Variants in PAAF1 observed in about 807,000 individuals in gnomAD.
PAAF1 encodes the protein proteasomal ATPase-associated factor 1.
In PAAF1, 46 loss-of-function variants were observed where a neutral mutation model predicts 52.8. The ratio of observed to expected loss-of-function variants is 0.87; its 90% CI spans 0.69 to 1.11. The LOEUF is 1.11. Among genes scored for constraint, PAAF1 ranks in the 50% most tolerant of loss-of-function variants. The pLI is 0.00. For synonymous variants in PAAF1, 178 were observed against 172.8 expected, an observed-to-expected ratio of 1.03 and a Z score of -0.24; for missense variants, 424 against 477.4, an observed-to-expected ratio of 0.89 and a Z score of 1.04.
At chr11:73,916,738 T>A in intron 9 of PAAF1, 78 bp downstream of exon 9, 1 of 922,270 alleles carries the variant, frequency 1.1e-6, no homozygotes, top group Non-Finnish European at 1.7e-6. Context: ...TGATTTAGCC[T>A]AGCATATAGA....
chr11:73,916,191 T>C (rs912546591), intron 8 of PAAF1, among the ~76,000 whole-genome samples: 9 of 152,136 alleles, frequency 5.9e-5, no homozygotes, highest in Admixed American at 2.6e-4. Context: ...AAAACTTACA[T>C]GTGGGAATTG....
Position 73,914,485 on chromosome 11 carries a change from G to A in PAAF1, c.800G>A (p.Gly267Glu). Reference protein sequence around the residue: ...AREDKKLQCLGLQSRQLVFLF... With the variant: ...AREDKKLQCLELQSRQLVFLF... The stretch of plus-strand genomic sequence containing the variant: ...GAAGATAAGAAACTTCAGTGCTTGG[G>A]ACTACAGAGCAGGCAGCTGGCAAGT... Residue 267 changes from glycine to glutamate, a missense_variant, in exon 8 of 12, where the codon GGA becomes GAA. Coordinates refer to ENST00000310571, the MANE Select transcript of PAAF1 (RefSeq NM_025155.3). 7 of 1,613,994 alleles carry A rather than the reference G, an allele frequency of 4.3e-6. No homozygotes were observed. Among genetic ancestry groups the A allele is most frequent in the Non-Finnish European group, 5.9e-6 (7 of 1,179,952 alleles).
chr11:73,900,440 C>T lies in PAAF1; in HGVS notation c.532+20C>T. The T allele has an allele frequency of 6.5e-7, 1 of 1,534,832 alleles. No individual in the cohort carries two copies. Among genetic ancestry groups the T allele is most frequent in the Admixed American group, 1.9e-5 (1 of 52,548 alleles). ...AAGGAGGTATGAAGTGTGCTTTCTC[C>T]AAAAGGCTTCTCTAATGATCCCCAG... On this transcript the variant is annotated intron_variant, in intron 6 of 11. Coordinates refer to ENST00000310571, the MANE Select transcript of PAAF1 (RefSeq NM_025155.3).
intron 5 of PAAF1, among the ~76,000 whole-genome samples, 183 bp from the exon 6 acceptor site, chr11:73,900,087 C>A (rs1300089533): frequency 2.0e-5 from 3 of 151,660 alleles, no homozygotes; most frequent in Admixed American, 2.0e-4. Context: ...CGAGGAAACA[C>A]CTTTTAGAAC....
chr11:73,895,702 G>A (rs181301152), intron 4 of PAAF1, among the ~76,000 whole-genome samples: 4 of 152,268 alleles, frequency 2.6e-5, no homozygotes, highest in African/African-American at 9.6e-5. Context: ...CATCATTTCT[G>A]GAGCATTTGC....
intron 6 of PAAF1, among the ~76,000 whole-genome samples, chr11:73,901,331 GGA>G (rs1949607450): frequency 6.6e-6 from 1 of 151,880 alleles, no homozygotes; most frequent in South Asian, 2.1e-4. Context: ...AGTTTTGTGG[GGA>G]AAAAATATTA....
chr11:73,917,255 G>C (rs1411364322), intron 9 of PAAF1, among the ~76,000 whole-genome samples: 1 of 151,966 alleles, frequency 6.6e-6, no homozygotes, highest in African/African-American at 2.4e-5. Context: ...TCCTGACCTC[G>C]TGATCTGCCC....
chr11:73,885,005 G>T (rs1175020513), intron 2 of PAAF1, among the ~76,000 whole-genome samples: 4 of 149,218 alleles, frequency 2.7e-5, no homozygotes, highest in Non-Finnish European at 6.0e-5. Flanking sequence ...GACTACAGGC[G>T]CCCGCCACTA....
At chr11:73,904,506 C>A (rs977668984) in intron 6 of PAAF1, among the ~76,000 whole-genome samples, 1 of 152,052 alleles carries the variant, frequency 6.6e-6, no homozygotes, top group Non-Finnish European at 1.5e-5. Flanking sequence ...GAAATGCTTA[C>A]ATTTATAGAA....
intron 6 of PAAF1, among the ~76,000 whole-genome samples, chr11:73,907,866 A>AGTTTT (rs1484213375): frequency 1.3e-5 from 2 of 151,898 alleles, no homozygotes; most frequent in African/African-American, 2.4e-5. Context: ...CTTTACTGGG[A>AGTTTT]GTTTTGTTTT....
intron 8 of PAAF1, among the ~76,000 whole-genome samples, chr11:73,915,549 A>T (rs1950040654): frequency 6.6e-6 from 1 of 152,226 alleles, no homozygotes; most frequent in Non-Finnish European, 1.5e-5. Flanking sequence ...TCGAGGCTGC[A>T]GTGAGCCAAG....
At chr11:73,917,495 T>A (rs529998118) in intron 9 of PAAF1, among the ~76,000 whole-genome samples, 1 of 152,252 alleles carries the variant, frequency 6.6e-6, no homozygotes, top group Non-Finnish European at 1.5e-5. Flanking sequence ...TTGATTTCCT[T>A]CCTTTTTTCA....
intron 10 of PAAF1, chr11:73,921,991 A>G (rs770026834): frequency 4.6e-5 from 38 of 825,390 alleles, no homozygotes; most frequent in Admixed American, 7.2e-5. Context: ...ACGTATATCA[A>G]GGTCCTGTCA....
At chr11:73,877,980 C>T (rs1948790488) in intron 1 of PAAF1, among the ~76,000 whole-genome samples, 1 of 152,186 alleles carries the variant, frequency 6.6e-6, no homozygotes, top group Non-Finnish European at 1.5e-5. Flanking sequence ...AGTTATTTCT[C>T]TAGGCTTCAG....
intron 6 of PAAF1, among the ~76,000 whole-genome samples, chr11:73,901,287 G>A (rs1345549594): frequency 2.6e-5 from 4 of 152,156 alleles, no homozygotes; most frequent in Non-Finnish European, 5.9e-5. Flanking sequence ...TCAGATTATA[G>A]ATATACAGTG....
intron 6 of PAAF1, among the ~76,000 whole-genome samples, chr11:73,904,682 G>A (rs1670551): frequency 0.51 from 77,453 of 151,824 alleles, 21,042 homozygotes; most frequent in African/African-American, 0.72. Context: ...TCCCATATAC[G>A]CATGTATGTA....
rs1010252899 is a variant in PAAF1 at position 73,928,384 on chromosome 11, G to A, written c.*1022G>A. The A allele has an allele frequency of 2.0e-5, 3 of 152,198 alleles. No homozygotes were observed. The highest frequency in any genetic ancestry group is 2.9e-5 in the Non-Finnish European group (2 of 68,046). The allele number at this position is 152,198 out of a possible 1,614,324, so 9.4% of individuals were successfully genotyped here. A position where few individuals can be genotyped will look rare whatever the true frequency, so the allele number is the denominator to read the frequency against. On this transcript the variant is annotated 3_prime_UTR_variant, in exon 12 of 12. Coordinates refer to ENST00000310571, the MANE Select transcript of PAAF1 (RefSeq NM_025155.3). ...GTTAGCTAAGGAGCTCAGACTTTACGTGGTTGGCAGTGGGGAACCACTGAA... is the reference window on the plus strand; with the variant it reads ...GTTAGCTAAGGAGCTCAGACTTTACATGGTTGGCAGTGGGGAACCACTGAA...
At chr11:73,893,139 T>C (rs972309784) in intron 4 of PAAF1, among the ~76,000 whole-genome samples, 1 of 152,216 alleles carries the variant, frequency 6.6e-6, no homozygotes, top group Non-Finnish European at 1.5e-5. Flanking sequence ...TATGAATACA[T>C]TTATAGCTAA....
intron 10 of PAAF1, among the ~76,000 whole-genome samples, chr11:73,920,150 A>G (rs1211823543): frequency 6.6e-6 from 1 of 152,196 alleles, no homozygotes; most frequent in East Asian, 1.9e-4. Context: ...TTAAGGGCAT[A>G]TGGGAACCTT....
Sources: gnomAD v4.1 joint callset for allele counts (sites outside exome capture counted in the v4.1 genomes callset) on GRCh38, gnomAD v4.1.1 for gene constraint, MANE v1.5 for transcripts, NCBI Gene and HGNC (gene_info 2026-07-23, HGNC 2026-07-21) for gene names.